Variants in MBD3L1 observed in about 807,000 individuals in gnomAD.
MBD3L1 encodes methyl-CpG binding domain protein 3 like 1.
For synonymous variants in MBD3L1, 84 were observed against 85.1 expected, an observed-to-expected ratio of 0.99 and a Z score of 0.07; for missense variants, 203 against 230.1, an observed-to-expected ratio of 0.88 and a Z score of 0.76.
rs113844330 is a variant in MBD3L1 at position 8,838,508 on chromosome 19, G to C, written c.-106-2407G>C. ...AGCATGCACAGAACACAGGCTGTCTGGTGATAACTCCTAGATAAGCACCAA... is the reference window on the plus strand; with the variant it reads ...AGCATGCACAGAACACAGGCTGTCTCGTGATAACTCCTAGATAAGCACCAA... On this transcript the variant is annotated intron_variant, in intron 1 of 2. Transcript: ENST00000595891. Among the ~76,000 whole-genome samples the C allele has an allele frequency of 1.4e-3, 211 of 152,172 alleles. 1 individual carries two copies. The highest frequency in any genetic ancestry group is 2.4e-3 in the Non-Finnish European group (160 of 68,006).
intron 1 of MBD3L1, among the ~76,000 whole-genome samples, chr19:8,834,151 A>C (rs1249596268): frequency 6.6e-6 from 1 of 152,240 alleles, no homozygotes; most frequent in Non-Finnish European, 1.5e-5. Context: ...TTTCAGAAAA[A>C]AATAGTTAGA....
intron 1 of MBD3L1, 136 bp from the exon 2 acceptor site, chr19:8,840,779 A>T (rs1389094412): frequency 6.6e-6 from 1 of 152,212 alleles, no homozygotes; most frequent in Non-Finnish European, 1.5e-5. Flanking sequence ...TTTGGGGAAA[A>T]TCAAGGAGTA....
intron 1 of MBD3L1, among the ~76,000 whole-genome samples, chr19:8,839,490 G>T (rs553081934): frequency 2.8e-4 from 42 of 152,174 alleles, no homozygotes; most frequent in South Asian, 1.5e-3. Context: ...GTGAGCCACC[G>T]TGCCTGGCCA....
intron 1 of MBD3L1, among the ~76,000 whole-genome samples, chr19:8,835,630 A>G (rs547443193): frequency 1.2e-4 from 18 of 152,330 alleles, no homozygotes; most frequent in African/African-American, 4.3e-4. Context: ...CAGTTCCTCA[A>G]AAAGTCATAG....
intron 1 of MBD3L1, among the ~76,000 whole-genome samples, chr19:8,839,771 T>C (rs770668507): frequency 1.3e-5 from 2 of 151,994 alleles, no homozygotes; most frequent in Non-Finnish European, 2.9e-5. Context: ...CAGTGGTTCA[T>C]AGCTAAGGGG....
At chr19:8,841,284 G>A (rs191405205) in intron 2 of MBD3L1, among the ~76,000 whole-genome samples, 83 of 151,070 alleles carry the variant, frequency 5.5e-4, no homozygotes, top group African/African-American at 1.8e-3. Flanking sequence ...CACCCACCTC[G>A]GCCTCCCAAA....
At chr19:8,836,125 A>G (rs533003939) in intron 1 of MBD3L1, among the ~76,000 whole-genome samples, 25 of 152,334 alleles carry the variant, frequency 1.6e-4, no homozygotes, top group Non-Finnish European at 5.9e-5. Context: ...ACAAAAGTGT[A>G]AAAACTGTAC....
intron 1 of MBD3L1, among the ~76,000 whole-genome samples, chr19:8,833,768 C>A (rs1281488693): frequency 6.6e-6 from 1 of 152,198 alleles, no homozygotes; most frequent in Non-Finnish European, 1.5e-5. Context: ...GCAGGCAGAT[C>A]ACCTGAGGTC....
Position 8,835,839 on chromosome 19 carries a change from A to T in MBD3L1, c.-107+3317A>T, listed in dbSNP as rs554847451. ...ATATCCACACAACGGATTATTATTCATCCATTAAACAGAATACATATTCCA... is the reference window on the plus strand; with the variant it reads ...ATATCCACACAACGGATTATTATTCTTCCATTAAACAGAATACATATTCCA... On this transcript the variant is annotated intron_variant, in intron 1 of 2. Coordinates refer to ENST00000595891, the MANE Select transcript of MBD3L1 (RefSeq NM_001393532.1). 5.2e-5 allele frequency among the ~76,000 whole-genome samples: 8 copies of T among 152,392 alleles called. No individual in the cohort carries two copies. The East Asian group carries it at 1.5e-3, about 29-fold the overall frequency.
chr19:8,832,787 T>TC (rs1228456018), intron 1 of MBD3L1, among the ~76,000 whole-genome samples: 1 of 148,602 alleles, frequency 6.7e-6, no homozygotes, highest in African/African-American at 2.5e-5. Flanking sequence ...GGTGGAGACC[T>TC]CCATTTCCGG....
chr19:8,833,762 G>T (rs973447941), intron 1 of MBD3L1, among the ~76,000 whole-genome samples: 1 of 152,318 alleles, frequency 6.6e-6, no homozygotes, highest in East Asian at 1.9e-4. Flanking sequence ...GCCGAGGCAG[G>T]CAGATCACCT....
At chr19:8,838,792 A>T (rs534335197) in intron 1 of MBD3L1, among the ~76,000 whole-genome samples, 12 of 152,278 alleles carry the variant, frequency 7.9e-5, no homozygotes, top group Non-Finnish European at 1.3e-4. Context: ...ACAGAAGAGA[A>T]GGGGCCATTT....
At position 8,836,928 on chromosome 19, in the gene MBD3L1, G is replaced by A. The variant is rs940042848; in HGVS notation, c.-106-3987G>A. Among the ~76,000 whole-genome samples the A allele has an allele frequency of 8.5e-5, 13 of 152,254 alleles. No homozygotes were observed. The East Asian group carries it at 1.3e-3, about 16-fold the overall frequency. ...GAATATTTTGGATAAATAAGCAAAA[G>A]ATGAACAAGCCAGTAAAAACATCAT... On this transcript the variant is annotated intron_variant, in intron 1 of 2. Transcript: ENST00000595891.
intron 1 of MBD3L1, among the ~76,000 whole-genome samples, chr19:8,836,791 C>A (rs546287844): frequency 6.6e-6 from 1 of 152,208 alleles, no homozygotes; most frequent in African/African-American, 2.4e-5. Context: ...TCGTATCCAG[C>A]TTAAGTGTAT....
At chr19:8,842,566 A>G in intron 2 of MBD3L1, 92 bp from the exon 3 acceptor site, 1 of 884,120 alleles carries the variant, frequency 1.1e-6, no homozygotes, top group Non-Finnish European at 1.7e-6. Flanking sequence ...GGGAGAGAGG[A>G]AGGATGAAAG....
chr19:8,843,083 G>A lies in MBD3L1; in HGVS notation c.405G>A (p.Glu135=), dbSNP rs753854281. Residue 135 remains glutamate (E), a synonymous_variant, in exon 3 of 3, where the codon GAG becomes GAA. Coordinates refer to ENST00000595891, the MANE Select transcript of MBD3L1 (RefSeq NM_001393532.1). ...SSDAVEIIPA[E]GVGISQLLCK... ...ATGCGGTGGAGATAATTCCTGCAGA[G>A]GGAGTGGGTATCTCGCAGCTCCTCT... 3 of 1,613,986 alleles carry A rather than the reference G, an allele frequency of 1.9e-6. No homozygotes were observed. The highest frequency in any genetic ancestry group is 1.1e-5 in the South Asian group (1 of 91,048).
At chr19:8,833,155 G>C (rs755771571) in intron 1 of MBD3L1, 2 of 152,336 alleles carry the variant, frequency 1.3e-5, no homozygotes, top group Non-Finnish European at 2.9e-5. Context: ...AGCCAGGATT[G>C]TGGGAGATCA....
chr19:8,839,827 G>A (rs2044492811), intron 1 of MBD3L1, among the ~76,000 whole-genome samples: 1 of 152,132 alleles, frequency 6.6e-6, no homozygotes, highest in African/African-American at 2.4e-5. Flanking sequence ...AGGAAGTTTA[G>A]GAGAGGAGTG....
chr19:8,838,683 T>A (rs10418157), intron 1 of MBD3L1, among the ~76,000 whole-genome samples: 5,772 of 152,256 alleles, frequency 0.038, 370 homozygotes, highest in African/African-American at 0.13. Flanking sequence ...GGGCTGGCAT[T>A]GTTGGTGGTA....
Sources: allele counts gnomAD v4.1 joint callset (sites outside exome capture counted in the v4.1 genomes callset), GRCh38; gene constraint gnomAD v4.1.1; transcripts MANE v1.5; gene names NCBI Gene and HGNC (gene_info 2026-07-23, HGNC 2026-07-21).